The following TMEM127 variants were observed in gnomAD, a reference collection of about 807,000 sequenced individuals.
TMEM127 encodes transmembrane protein 127.
TMEM127 carries 21 observed loss-of-function variants against 20.1 expected under a neutral mutation model. That is an observed-to-expected ratio of 1.04 (90% CI 0.74 to 1.50). The LOEUF is 1.50. TMEM127 is among the 40% of genes most tolerant of loss of function. TMEM127 has a pLI of 0.00. For synonymous variants in TMEM127, 150 were observed against 144.7 expected (o/e 1.04, Z -0.26); for missense variants, 303 against 317.4 (o/e 0.95, Z 0.34).
At position 96,254,971 on chromosome 2, in the gene TMEM127, G is replaced by A. The variant is rs1684174363; in HGVS notation, c.271C>T (p.Leu91=). ...AAGGCGGCGATGACCCGCAGGAGCA[G>A]CACTGTCTGGGGATTCATGCAGAAA... ...KDFCMNPQTV[L]LLRVIAAFCF... Residue 91 remains leucine, a synonymous_variant, in exon 3 of 4, where the codon CTG becomes TTG. Coordinates refer to ENST00000258439, the MANE Select transcript of TMEM127 (RefSeq NM_017849.4). The A allele has an allele frequency of 6.2e-7, 1 of 1,614,230 alleles. No individual in the cohort carries two copies. The highest frequency in any genetic ancestry group is 8.5e-7 in the Non-Finnish European group (1 of 1,180,036).
chr2:96,259,818 T>G (rs1224222561), intron 2 of TMEM127, among the ~76,000 whole-genome samples: 1 of 152,238 alleles, frequency 6.6e-6, no homozygotes, highest in Non-Finnish European at 1.5e-5. Flanking sequence ...CTGGGTCAGC[T>G]GACACCGTGC....
Position 96,249,348 on chromosome 2 carries a change from G to A in TMEM127, c.*4460C>T, listed in dbSNP as rs1458963428. On this transcript the variant is annotated 3_prime_UTR_variant, in exon 4 of 4. Transcript: ENST00000258439. ...CCTGACCTTGTGATCCACCCACCTC[G>A]GCCTCCCAAAGTGCTGGGATAATAG... 9 of 211,314 alleles carry A rather than the reference G, an allele frequency of 4.3e-5. No individual in the cohort carries two copies. Among genetic ancestry groups the A allele is most frequent in the South Asian group, 1.9e-4 (1 of 5,312 alleles). The allele number at this position is 211,314 out of a possible 1,614,324, so 13.1% of individuals were successfully genotyped here.
At chr2:96,255,038 C>T (rs1165178067) in intron 2 of TMEM127, 41 bp from the exon 3 acceptor site, 1 of 1,613,060 alleles carries the variant, frequency 6.2e-7, no homozygotes, top group Non-Finnish European at 8.5e-7. Flanking sequence ...CCAAGTAACA[C>T]TTGGTGCAGG....
At position 96,253,286 on chromosome 2, in the gene TMEM127, T is replaced by G; in HGVS notation, c.*522A>C. The G allele has an allele frequency of 4.2e-6, 1 of 236,054 alleles. No homozygotes were observed. Among genetic ancestry groups the G allele is most frequent in the Non-Finnish European group, 8.4e-6 (1 of 119,694 alleles). 14.6% of individuals were successfully genotyped at this position (236,054 alleles called of 1,614,324 possible). ...CACACGTGAGGAGAAGTCCAAAGAG[T>G]AAAGTGCACAGAACTCCCCGGAGCA... On this transcript the variant is annotated 3_prime_UTR_variant, in exon 4 of 4. Coordinates refer to ENST00000258439, the MANE Select transcript of TMEM127 (RefSeq NM_017849.4). This position sits in a 1 kb window ranked among gnomAD's most constrained non-coding sequence, Gnocchi z 4.3.
intron 2 of TMEM127, 96 bp from the exon 3 acceptor site, chr2:96,255,093 T>TG (rs1684178147): frequency 7.2e-6 from 11 of 1,537,914 alleles, no homozygotes; most frequent in African/African-American, 1.4e-5. Context: ...ACCACAGTCC[T>TG]GGGAGCCAGG....
Position 96,265,527 on chromosome 2 carries a change from A to G in TMEM127, c.-131-15T>C. On this transcript the variant is annotated splice_polypyrimidine_tract_variant and intron_variant, in intron 1 of 3. Coordinates refer to ENST00000258439, the MANE Select transcript of TMEM127 (RefSeq NM_017849.4). The stretch of plus-strand genomic sequence containing the variant: ...CCGGGACTGGGCTGTCAGGGTTGAC[A>G]CCAGAGGATAGGGGGGTGGGACCCG... 4 of 1,099,356 alleles carry G rather than the reference A, an allele frequency of 3.6e-6. No individual in the cohort carries two copies. Among genetic ancestry groups the G allele is most frequent in the Middle Eastern group, 6.7e-4 (2 of 3,006 alleles). The allele number at this position is 1,099,356 out of a possible 1,614,324, so 68.1% of individuals were successfully genotyped here.
chr2:96,254,755 G>C, intron 3 of TMEM127, 78 bp downstream of exon 3: 1 of 1,582,846 alleles, frequency 6.3e-7, no homozygotes, highest in Non-Finnish European at 8.7e-7. Context: ...AGAAACCAGA[G>C]CCCCCACCGG....
intron 2 of TMEM127, among the ~76,000 whole-genome samples, chr2:96,257,438 G>A (rs572249698): frequency 6.6e-6 from 1 of 152,004 alleles, no homozygotes; most frequent in Non-Finnish European, 1.5e-5. Flanking sequence ...CTCCAGCCTG[G>A]CGACAGAGCG....
intron 3 of TMEM127, among the ~76,000 whole-genome samples, chr2:96,254,629 A>T (rs1338544710): frequency 6.6e-6 from 1 of 152,140 alleles, no homozygotes; most frequent in Non-Finnish European, 1.5e-5. Context: ...AGCTGGGCTG[A>T]GTGGGTTTGT....
rs771646015 is a variant in TMEM127, at chr2:96,265,268, G to C, written c.114C>G (p.Ala38=). The C allele has an allele frequency of 1.1e-5, 18 of 1,582,460 alleles. No individual in the cohort carries two copies. Among genetic ancestry groups the C allele is most frequent in the Non-Finnish European group, 8.5e-7 (1 of 1,170,010 alleles). Residue 38 remains alanine, a synonymous_variant, in exon 2 of 4, where the codon GCC becomes GCG. Transcript: ENST00000258439. ...ERSLASALPG[A]LSITALCTAL... is the part of the protein sequence containing the mutation. Reference sequence around the variant, plus strand: ...CAGTGCACAGCGCCGTGATAGACAGGGCGCCAGGCAGGGCCGAGGCCAGGC... The same window carrying C: ...CAGTGCACAGCGCCGTGATAGACAGCGCGCCAGGCAGGGCCGAGGCCAGGC...
chr2:96,264,243 C>G (rs924373411), intron 2 of TMEM127, among the ~76,000 whole-genome samples: 1 of 152,158 alleles, frequency 6.6e-6, no homozygotes, highest in African/African-American at 2.4e-5. Context: ...GGAGGTAACA[C>G]GCAGATATCT....
chr2:96,255,019 T>G (rs1472919150), intron 2 of TMEM127, 22 bp from the exon 3 acceptor site: 5 of 1,613,864 alleles, frequency 3.1e-6, no homozygotes, highest in Non-Finnish European at 8.5e-7. Flanking sequence ...GAACCAAATT[T>G]TCACGGCCCC....
In TMEM127 at chr2:96,251,335, T is replaced by C. The variant is rs1305803502; in HGVS notation, c.*2473A>G. The C allele has an allele frequency of 4.1e-5, 8 of 194,360 alleles. No homozygotes were observed. In the Admixed American group the frequency reaches 4.9e-4, roughly 12 times the overall value. 12.0% of individuals were successfully genotyped at this position (194,360 alleles called of 1,614,324 possible). ...GAGTTCCAGACCAGCCTGGCCAACA[T>C]GGTGAAACCCTGTCTCTACTAAAAA... is the stretch of plus-strand genomic sequence containing the variant. On this transcript the variant is annotated 3_prime_UTR_variant, in exon 4 of 4. Transcript: ENST00000258439.
intron 2 of TMEM127, among the ~76,000 whole-genome samples, chr2:96,259,348 T>C (rs1684270474): frequency 6.6e-6 from 1 of 152,232 alleles, no homozygotes; most frequent in Non-Finnish European, 1.5e-5. Flanking sequence ...CCCTACACTG[T>C]GCTGCTCGGA....
intron 3 of TMEM127, 72 bp from the exon 4 acceptor site, chr2:96,254,187 T>C (rs199783379): frequency 2.5e-6 from 4 of 1,579,886 alleles, no homozygotes; most frequent in Non-Finnish European, 3.4e-6. Context: ...GAGGACCCAA[T>C]CACAGCCTCT....
intron 2 of TMEM127, among the ~76,000 whole-genome samples, chr2:96,261,638 C>T (rs1199333535): frequency 6.6e-6 from 1 of 152,176 alleles, no homozygotes; most frequent in African/African-American, 2.4e-5. Flanking sequence ...AAGTGATAAG[C>T]CTCAGGCAGC....
intron 2 of TMEM127, among the ~76,000 whole-genome samples, chr2:96,263,825 G>A (rs1279054080): frequency 1.3e-5 from 2 of 151,986 alleles, no homozygotes; most frequent in Admixed American, 6.6e-5. Context: ...GTGGGAAGGT[G>A]GTATGTGTGC....
At chr2:96,256,428 G>C (rs544487797) in intron 2 of TMEM127, among the ~76,000 whole-genome samples, 5 of 151,546 alleles carry the variant, frequency 3.3e-5, no homozygotes, top group Non-Finnish European at 7.4e-5. Flanking sequence ...AAAATTAGCC[G>C]GGCGTGGTGG....
At chr2:96,265,041 C>T in intron 2 of TMEM127, 97 bp downstream of exon 2, 1 of 1,560,976 alleles carries the variant, frequency 6.4e-7, no homozygotes, top group Non-Finnish European at 8.6e-7. Context: ...GGGCCGTTTC[C>T]TTCAACCAAG....
Sources: gnomAD v4.1 joint callset for allele counts (sites outside exome capture counted in the v4.1 genomes callset) on GRCh38, gnomAD v4.1.1 for gene constraint, Gnocchi (gnomAD v3.1) non-coding constraint, MANE v1.5 for transcripts, NCBI Gene and HGNC (gene_info 2026-07-23, HGNC 2026-07-21) for gene names.